The following CCDC86 variants were observed in gnomAD, a reference collection of about 807,000 sequenced individuals.
The protein encoded by CCDC86 is coiled-coil domain-containing protein 86.
Under a neutral mutation model 36.7 loss-of-function variants are expected in CCDC86, and 28 were observed. The ratio of observed to expected loss-of-function variants is 0.76; its 90% CI spans 0.57 to 1.05. The LOEUF (loss-of-function observed/expected upper bound fraction) is 1.05. Among genes scored for constraint, CCDC86 ranks in the 50% least tolerant of loss-of-function variants. The pLI, the probability that CCDC86 is intolerant of heterozygous loss-of-function variation, is 0.00. For synonymous variants in CCDC86, 199 were observed against 203.4 expected (o/e 0.98, Z 0.18); for missense variants, 453 against 470.2 (o/e 0.96, Z 0.34).
At chr11:60,850,078 AC>A (rs1432668329) in intron 3 of CCDC86, 64 bp downstream of exon 3, 49 of 1,604,456 alleles carry the variant, frequency 3.1e-5, no homozygotes, top group Non-Finnish European at 3.8e-5. Context: ...CAGGGCCTCG[AC>A]CCCTGCCTCA....
At chr11:60,847,706 G>A (rs1425579469) in intron 1 of CCDC86, 1 of 448,664 alleles carries the variant, frequency 2.2e-6, no homozygotes, top group Admixed American at 3.5e-5. Context: ...CCACCTCAGA[G>A]GCATGTAGCC....
chr11:60,848,486 C>A (rs764882545), intron 2 of CCDC86, among the ~76,000 whole-genome samples: 1 of 152,122 alleles, frequency 6.6e-6, no homozygotes, highest in East Asian at 1.9e-4. Flanking sequence ...AGAAGCAGCC[C>A]ACACACCAGC....
intron 1 of CCDC86, among the ~76,000 whole-genome samples, chr11:60,843,866 C>G (rs1037307046): frequency 5.9e-5 from 9 of 152,162 alleles, no homozygotes; most frequent in African/African-American, 2.2e-4. Context: ...ATCCTTAAAA[C>G]CCTAGGCTGT....
chr11:60,842,333 C>A lies in CCDC86; in HGVS notation c.209C>A (p.Pro70His). ...ERPPKTSPGS[P>H]RLQQGAGLES... ...CCGCCGAAGACAAGCCCAGGATCACCCCGTCTGCAGCAGGGTGCAGGCTTG... is the reference window on the plus strand; with the variant it reads ...CCGCCGAAGACAAGCCCAGGATCACACCGTCTGCAGCAGGGTGCAGGCTTG... Residue 70 changes from proline (P) to histidine (H), a missense_variant, in exon 1 of 4, where the codon CCC becomes CAC. Transcript: ENST00000227520. 1 of 1,613,780 alleles carries A rather than the reference C, an allele frequency of 6.2e-7. No homozygotes were observed. The highest frequency in any genetic ancestry group is 2.2e-5 in the East Asian group (1 of 44,882).
Position 60,848,041 on chromosome 11 carries a change from G to T in CCDC86, c.876G>T (p.Glu292Asp). 6.2e-7 allele frequency: 1 copy of T among 1,613,202 alleles called. No individual in the cohort carries two copies. Among genetic ancestry groups the T allele is most frequent in the Non-Finnish European group, 8.5e-7 (1 of 1,179,434 alleles). The change falls in exon 2 of 4, where the codon GAG becomes GAT. Residue 292 changes from glutamate (E) to aspartate (D), a missense_variant. Coordinates refer to ENST00000227520, the MANE Select transcript of CCDC86 (RefSeq NM_024098.4). Reference protein sequence around the residue: ...DFARHLEEEKERRRQEKKQRR... With the variant: ...DFARHLEEEKDRRRQEKKQRR... ...CCCGTCACCTGGAGGAGGAGAAGGA[G>T]AGGCGCCGCCAGGTGAGGGGCCAGC... is the stretch of plus-strand genomic sequence containing the variant.
chr11:60,845,632 T>C (rs1384256534), intron 1 of CCDC86, among the ~76,000 whole-genome samples: 1 of 152,262 alleles, frequency 6.6e-6, no homozygotes, highest in Non-Finnish European at 1.5e-5. Flanking sequence ...GAGACCTGGC[T>C]GCAGCCCTGT....
In CCDC86 at chr11:60,850,316, C is replaced by T; in HGVS notation, c.1074C>T (p.Ala358=). The part of the protein sequence containing the change: ...LQKQPPQQPA[A]KI ...AGCAGCCGCCCCAGCAGCCGGCAGCCAAGATCTGAGCTCAGGACGGCCCGA... is the reference window on the plus strand; with the variant it reads ...AGCAGCCGCCCCAGCAGCCGGCAGCTAAGATCTGAGCTCAGGACGGCCCGA... The change falls in exon 4 of 4, where the codon GCC becomes GCT. Residue 358 remains alanine (A), a synonymous_variant. Transcript: ENST00000227520. The T allele has an allele frequency of 6.2e-7, 1 of 1,614,106 alleles. No individual in the cohort carries two copies. The highest frequency in any genetic ancestry group is 8.5e-7 in the Non-Finnish European group (1 of 1,179,982).
In CCDC86 at chr11:60,850,636, C is replaced by T. The variant is rs1590576213; in HGVS notation, c.*311C>T. Reference sequence around the variant, plus strand: ...TACATTCTTCTGGTTCCTCAGTGAGCTGGTGACTGGCAGGTGACTCCCTCA... The same window carrying T: ...TACATTCTTCTGGTTCCTCAGTGAGTTGGTGACTGGCAGGTGACTCCCTCA... On this transcript the variant is annotated 3_prime_UTR_variant, in exon 4 of 4. Transcript: ENST00000227520. 3.0e-6 allele frequency: 1 copy of T among 336,798 alleles called. No homozygotes were observed. The highest frequency in any genetic ancestry group is 5.5e-5 in the East Asian group (1 of 18,196). The allele number at this position is 336,798 out of a possible 1,614,324, so 20.9% of individuals were successfully genotyped here.
Position 60,850,466 on chromosome 11 carries a change from C to T in CCDC86, c.*141C>T. The T allele has an allele frequency of 8.4e-7, 1 of 1,196,144 alleles. No homozygotes were observed. The highest frequency in any genetic ancestry group is 1.1e-6 in the Non-Finnish European group (1 of 876,778). 74.1% of individuals were successfully genotyped at this position (1,196,144 alleles called of 1,614,324 possible). ...GGGACCCCCACCCCGACCGGGGCTCCTCGGCCTTTGAAGGCTTCCAGGCAG... is the reference window on the plus strand; with the variant it reads ...GGGACCCCCACCCCGACCGGGGCTCTTCGGCCTTTGAAGGCTTCCAGGCAG... On this transcript the variant is annotated 3_prime_UTR_variant, in exon 4 of 4. Coordinates refer to ENST00000227520, the MANE Select transcript of CCDC86 (RefSeq NM_024098.4).
rs1053436866 is a variant in CCDC86, at chr11:60,847,295, A to G, written c.759-629A>G. ...AACTTTAGTAGGTTTTAGTAGGCTT[A>G]GTAGGTTTTGCCATGTTTGCCCGGC... On this transcript the variant is annotated intron_variant, in intron 1 of 3. Transcript: ENST00000227520. Among the ~76,000 whole-genome samples, 3 of 152,114 alleles carry G rather than the reference A, an allele frequency of 2.0e-5. No homozygotes were observed. In the East Asian group the frequency reaches 5.8e-4, roughly 29 times the overall value.
At position 60,847,945 on chromosome 11, in the gene CCDC86, C is replaced by T. The variant is rs139469971; in HGVS notation, c.780C>T (p.Asp260=). 377 of 1,612,830 alleles carry T rather than the reference C, an allele frequency of 2.3e-4. 2 individuals carry two copies. The African/African-American group carries it at 4.3e-3, about 18-fold the overall frequency. ...TCAGATTCTCCCAGATGCTTCAGGACAAGCCCCTGCGCACATCGTGGCAGC... is the reference window on the plus strand; with the variant it reads ...TCAGATTCTCCCAGATGCTTCAGGATAAGCCCCTGCGCACATCGTGGCAGC... The part of the protein sequence containing the change: ...SKKRFSQMLQ[D]KPLRTSWQRK... Residue 260 remains aspartate (D), a synonymous_variant, in exon 2 of 4, where the codon GAC becomes GAT. Coordinates refer to ENST00000227520, the MANE Select transcript of CCDC86 (RefSeq NM_024098.4).
chr11:60,844,680 A>G (rs1359914667), intron 1 of CCDC86, among the ~76,000 whole-genome samples: 1 of 152,184 alleles, frequency 6.6e-6, no homozygotes, highest in Non-Finnish European at 1.5e-5. Context: ...ATTTGCACAA[A>G]TGCTTATTTA....
chr11:60,842,658 A>G lies in CCDC86; in HGVS notation c.534A>G (p.Leu178=). The G allele has an allele frequency of 6.2e-7, 1 of 1,613,796 alleles. No individual in the cohort carries two copies. The highest frequency in any genetic ancestry group is 8.5e-7 in the Non-Finnish European group (1 of 1,179,982). The change falls in exon 1 of 4, where the codon CTA becomes CTG. Residue 178 remains leucine, a synonymous_variant. Coordinates refer to ENST00000227520, the MANE Select transcript of CCDC86 (RefSeq NM_024098.4). ...QAPGPEPSQP[L]LELTPRAPGS... is the part of the protein sequence containing the mutation. ...CCGGTCCGGAGCCCTCTCAGCCACT[A>G]CTGGAGCTGACACCCAGGGCACCTG...
At chr11:60,849,778 G>A (rs1395002032) in intron 2 of CCDC86, among the ~76,000 whole-genome samples, 162 bp from the exon 3 acceptor site, 2 of 152,204 alleles carry the variant, frequency 1.3e-5, no homozygotes, top group Admixed American at 6.5e-5. Context: ...CCGTGGCACA[G>A]GATTGCTAGC....
Position 60,842,858 on chromosome 11 carries a change from T to G in CCDC86, c.734T>G (p.Val245Gly). Residue 245 changes from valine (V) to glycine (G), a missense_variant, in exon 1 of 4, where the codon GTG becomes GGG. Val to Gly is a moderately radical substitution (Grantham distance 109). Coordinates refer to ENST00000227520, the MANE Select transcript of CCDC86 (RefSeq NM_024098.4). ...IPKGKPKSGR[V>G]WKDRSKKRFS... ...AAGGGGAAGCCCAAATCGGGGCGAG[T>G]GTGGAAGGACCGCTCCAAGAAAAGG... 6.3e-7 allele frequency: 1 copy of G among 1,579,812 alleles called. No individual in the cohort carries two copies. Among genetic ancestry groups the G allele is most frequent in the Non-Finnish European group, 8.6e-7 (1 of 1,161,534 alleles).
In CCDC86 at chr11:60,847,937, C is replaced by T; in HGVS notation, c.772C>T (p.Leu258Phe). 1 of 1,612,316 alleles carries T rather than the reference C, an allele frequency of 6.2e-7. No homozygotes were observed. The highest frequency in any genetic ancestry group is 8.5e-7 in the Non-Finnish European group (1 of 1,178,902). The part of the protein sequence containing the change: ...DRSKKRFSQM[L>F]QDKPLRTSWQ... ...TCCCCCTTTCAGATTCTCCCAGATGCTTCAGGACAAGCCCCTGCGCACATC... is the reference window on the plus strand; with the variant it reads ...TCCCCCTTTCAGATTCTCCCAGATGTTTCAGGACAAGCCCCTGCGCACATC... Residue 258 changes from leucine to phenylalanine, a missense_variant, in exon 2 of 4, where the codon CTT becomes TTT. Leu to Phe is a conservative substitution (Grantham distance 22). Transcript: ENST00000227520.
rs1247647903 is a variant in CCDC86, at chr11:60,842,856, A to C, written c.732A>C (p.Arg244=). 12 of 1,581,408 alleles carry C rather than the reference A, an allele frequency of 7.6e-6. No individual in the cohort carries two copies. The highest frequency in any genetic ancestry group is 6.7e-5 in the East Asian group (3 of 44,484). ...CGAAGGGGAAGCCCAAATCGGGGCG[A>C]GTGTGGAAGGACCGCTCCAAGAAAA... The part of the protein sequence containing the change: ...VIPKGKPKSG[R]VWKDRSKKRF... Residue 244 remains arginine (R), a synonymous_variant, in exon 1 of 4, where the codon CGA becomes CGC. Transcript: ENST00000227520.
chr11:60,848,017 C>A lies in CCDC86; in HGVS notation c.852C>A (p.Ala284=), dbSNP rs542341589. The A allele has an allele frequency of 1.4e-4, 233 of 1,613,554 alleles. 1 individual carries two copies. The South Asian group carries it at 2.3e-3, about 16-fold the overall frequency. The change falls in exon 2 of 4, where the codon GCC becomes GCA. Residue 284 remains alanine (A), a synonymous_variant. Coordinates refer to ENST00000227520, the MANE Select transcript of CCDC86 (RefSeq NM_024098.4). The part of the protein sequence containing the change: ...RQERKLAKDF[A]RHLEEEKERR... ...AGAGGAAGCTGGCCAAGGACTTTGC[C>A]CGTCACCTGGAGGAGGAGAAGGAGA...
chr11:60,850,098 C>A, intron 3 of CCDC86, 84 bp downstream of exon 3: 1 of 1,604,924 alleles, frequency 6.2e-7, no homozygotes, highest in Non-Finnish European at 8.5e-7. Flanking sequence ...CATGTACCCC[C>A]ACTCTCATGC....
Sources: gnomAD v4.1 joint callset for allele counts (sites outside exome capture counted in the v4.1 genomes callset) on GRCh38, gnomAD v4.1.1 for gene constraint, MANE v1.5 for transcripts, NCBI Gene and HGNC (gene_info 2026-07-23, HGNC 2026-07-21) for gene names.